Variants in DNAH7 observed in about 807,000 individuals in gnomAD.
DNAH7 encodes dynein axonemal heavy chain 7.
DNAH7 carries 397 observed loss-of-function variants against 444.6 expected under a neutral mutation model. The ratio of observed to expected loss-of-function variants is 0.89; its 90% CI spans 0.82 to 0.97. The LOEUF (loss-of-function observed/expected upper bound fraction) is 0.97, where lower values mean the gene tolerates loss of function less well. Ranked by LOEUF, DNAH7 falls within the 50% of genes least tolerant of loss-of-function variation. The pLI is 0.00. For synonymous variants in DNAH7, 1,636 were observed against 1,624.4 expected (o/e 1.01, Z -0.17); for missense variants, 4,902 against 4,800.8 (o/e 1.02, Z -0.62).
In DNAH7 at chr2:195,960,751, A is replaced by G. The variant is rs1691037738; in HGVS notation, c.2400T>C (p.Ile800=). 6.2e-7 allele frequency: 1 copy of G among 1,614,004 alleles called. No individual in the cohort carries two copies. Among genetic ancestry groups the G allele is most frequent in the African/African-American group, 1.3e-5 (1 of 74,924 alleles). Residue 800 remains isoleucine (I), a synonymous_variant, in exon 18 of 65, where the codon ATT becomes ATC. Coordinates refer to ENST00000312428, the MANE Select transcript of DNAH7 (RefSeq NM_018897.3). ...TATATAATCCTCTCCAGTAATTTCC[A>G]ATATCTGCTTCTACTTGGTCTGGAT... is the stretch of plus-strand genomic sequence containing the variant. The part of the protein sequence containing the change: ...KVNPDQVEAD[I]GNYWRGLYKL...
chr2:195,912,546 T>A (rs1259035605), intron 24 of DNAH7, among the ~76,000 whole-genome samples: 1 of 152,164 alleles, frequency 6.6e-6, no homozygotes, highest in East Asian at 1.9e-4. Context: ...CTGTGTGTGG[T>A]GAGCCTCAGA....
chr2:195,967,018 T>C (rs534621336), intron 17 of DNAH7, among the ~76,000 whole-genome samples: 3 of 152,320 alleles, frequency 2.0e-5, no homozygotes, highest in South Asian at 2.1e-4. Flanking sequence ...GGTTGTTTTG[T>C]GGGCTTCTCT....
At chr2:195,758,692 C>A (rs1694201981) in intron 61 of DNAH7, among the ~76,000 whole-genome samples, 1 of 152,168 alleles carries the variant, frequency 6.6e-6, no homozygotes, top group Admixed American at 6.5e-5. Context: ...TCCTCCATCA[C>A]CCGGCAGTGG....
chr2:195,756,041 C>T (rs73058220), intron 62 of DNAH7, 92 bp downstream of exon 62: 57,341 of 1,332,402 alleles, frequency 0.043, 1,529 homozygotes, highest in African/African-American at 0.12. Context: ...CACAGAAAAA[C>T]TAGAGAGTAA....
intron 19 of DNAH7, among the ~76,000 whole-genome samples, chr2:195,950,521 C>T (rs1690152168): frequency 6.6e-6 from 1 of 151,776 alleles, no homozygotes; most frequent in Non-Finnish European, 1.5e-5. Flanking sequence ...ATTAGTCTGG[C>T]TAGCAGTCTA....
chr2:195,976,172 C>G lies in DNAH7; in HGVS notation c.1834-3706G>C, dbSNP rs181859885. On this transcript the variant is annotated intron_variant, in intron 15 of 64. Coordinates refer to ENST00000312428, the MANE Select transcript of DNAH7 (RefSeq NM_018897.3). ...TGGCTGTTAGGAGGAATTTCTGGAC[C>G]TATCTTGGGCCAGAGGGGAGCCCAC... Among the ~76,000 whole-genome samples the G allele has an allele frequency of 2.6e-4, 39 of 152,056 alleles. 1 individual carries two copies. The East Asian group carries it at 5.8e-3, about 23-fold the overall frequency.
intron 12 of DNAH7, among the ~76,000 whole-genome samples, chr2:195,990,958 T>C (rs1186548607): frequency 2.8e-5 from 4 of 143,780 alleles, no homozygotes; most frequent in Non-Finnish European, 6.0e-5. Flanking sequence ...TATATATACT[T>C]AAATATATAT....
chr2:195,743,065 C>G (rs953201069), intron 63 of DNAH7, among the ~76,000 whole-genome samples: 1 of 152,192 alleles, frequency 6.6e-6, no homozygotes, highest in Admixed American at 6.5e-5. Context: ...AGCAGACTTG[C>G]TAAGCCTTCT....
intron 5 of DNAH7, 54 bp downstream of exon 5, chr2:196,047,298 G>A (rs369040856): frequency 1.8e-5 from 26 of 1,429,460 alleles, no homozygotes; most frequent in Middle Eastern, 1.9e-4. Context: ...TAGGTTAAAC[G>A]TTGCCAGGGG....
At chr2:195,842,984 T>C (rs1286221115) in intron 47 of DNAH7, among the ~76,000 whole-genome samples, 3 of 152,210 alleles carry the variant, frequency 2.0e-5, no homozygotes, top group Admixed American at 1.3e-4. Context: ...ATGTAGGACA[T>C]GACCAGCTAC....
chr2:196,000,918 T>C, intron 11 of DNAH7, 35 bp from the exon 12 acceptor site: 5 of 1,504,506 alleles, frequency 3.3e-6, no homozygotes, highest in Non-Finnish European at 4.4e-6. Context: ...TACATAAATA[T>C]GTATGAATTG....
intron 57 of DNAH7, 85 bp from the exon 58 acceptor site, chr2:195,787,256 T>C (rs1379478111): frequency 2.2e-6 from 3 of 1,386,052 alleles, no homozygotes; most frequent in African/African-American, 2.9e-5. Context: ...AAAGCAAATT[T>C]CTTTCATTTA....
chr2:195,893,658 C>G (rs1201540220), intron 30 of DNAH7: 4 of 152,182 alleles, frequency 2.6e-5, no homozygotes, highest in East Asian at 3.8e-4. Flanking sequence ...TCTTCTTAAT[C>G]AGAACAAAGT....
intron 5 of DNAH7, among the ~76,000 whole-genome samples, chr2:196,038,275 G>A (rs1307522756): frequency 2.6e-5 from 4 of 152,048 alleles, no homozygotes; most frequent in Non-Finnish European, 4.4e-5. Context: ...ACCTACATCT[G>A]GAAGCAAAAG....
chr2:195,966,990 T>C (rs1185332330), intron 17 of DNAH7, among the ~76,000 whole-genome samples: 1 of 152,152 alleles, frequency 6.6e-6, no homozygotes, highest in African/African-American at 2.4e-5. Flanking sequence ...ACTTCTGCCA[T>C]TTTGTTTTAT....
chr2:195,778,679 CACATATATATACACATATATATAT>C (rs1436692819), intron 58 of DNAH7, among the ~76,000 whole-genome samples: 3 of 101,534 alleles, frequency 3.0e-5, no homozygotes, highest in Admixed American at 1.2e-4. Context: ...TACACACACA[CACATATATATACACATATATATAT>C]ACACATATAT....
chr2:195,943,117 C>T (rs1157706678), intron 19 of DNAH7, among the ~76,000 whole-genome samples: 2 of 152,144 alleles, frequency 1.3e-5, no homozygotes, highest in Non-Finnish European at 2.9e-5. Flanking sequence ...CTTTGCTTCT[C>T]ATTTACTTTC....
chr2:195,898,008 A>C (rs921023584), intron 28 of DNAH7, among the ~76,000 whole-genome samples: 3 of 152,192 alleles, frequency 2.0e-5, no homozygotes, highest in Admixed American at 2.0e-4. Context: ...AGATATGCTA[A>C]GTAAAGAGGT....
At chr2:196,057,981 C>T (rs1697911994) in intron 2 of DNAH7, 73 bp downstream of exon 2, 1 of 1,191,016 alleles carries the variant, frequency 8.4e-7, no homozygotes, top group South Asian at 2.2e-5. Flanking sequence ...CAGTAACTTA[C>T]TTTCAAGCTT....
Sources: allele counts gnomAD v4.1 joint callset (sites outside exome capture counted in the v4.1 genomes callset), GRCh38; gene constraint gnomAD v4.1.1; transcripts MANE v1.5; gene names NCBI Gene and HGNC (gene_info 2026-07-23, HGNC 2026-07-21).